The following CST1 variants were observed in gnomAD, a reference collection of about 807,000 sequenced individuals.
CST1 encodes the protein cystatin-SN.
CST1 carries 19 observed loss-of-function variants against 10.7 expected under a neutral mutation model. The ratio of observed to expected loss-of-function variants is 1.78; its 90% CI spans 1.24 to 2.61. CST1 has a LOEUF of 2.61. Ranked by LOEUF, CST1 falls within the 30% of genes most tolerant of loss-of-function variation. The probability of loss-of-function intolerance (pLI) is 0.00; values close to 1 mark genes in which losing one functional copy is unlikely to be tolerated. For synonymous variants in CST1, 95 were observed against 72.8 expected (o/e 1.31, Z -1.55); for missense variants, 247 against 178.1 (o/e 1.39, Z -2.20).
At chr20:23,748,184 C>T (rs923571771) in intron 2 of CST1, among the ~76,000 whole-genome samples, 1 of 152,098 alleles carries the variant, frequency 6.6e-6, no homozygotes, top group African/African-American at 2.4e-5. Flanking sequence ...CCTCGGGAGC[C>T]CCAAGGGTGC....
Position 23,747,863 on chromosome 20 carries a change from A to G in CST1, c.379T>C (p.Trp127Arg). The G allele has an allele frequency of 6.2e-7, 1 of 1,614,038 alleles. No individual in the cohort carries two copies. The highest frequency in any genetic ancestry group is 8.5e-7 in the Non-Finnish European group (1 of 1,179,918). ...TTCACCAGGGACCTTCTGTTCTCCC[A>G]GGGAACTTCGTAGATCTCGAAAGAG... ...LCSFEIYEVP[W>R]ENRRSLVKSR... Residue 127 changes from tryptophan to arginine, a missense_variant, in exon 3 of 3, where the codon TGG (tryptophan) becomes CGG (arginine). By Grantham distance (101) the Trp-to-Arg change is moderately radical. Coordinates refer to ENST00000304749, the MANE Select transcript of CST1 (RefSeq NM_001898.3).
rs771551065 is a variant in CST1, at chr20:23,749,137, C to A, written c.229-8G>T. 1 of 1,614,032 alleles carries A rather than the reference C, an allele frequency of 6.2e-7. No homozygotes were observed. The highest frequency in any genetic ancestry group is 8.5e-7 in the Non-Finnish European group (1 of 1,179,912). On this transcript the variant is annotated splice_region_variant and splice_polypyrimidine_tract_variant and intron_variant, in intron 1 of 2. Transcript: ENST00000304749. ...ATTCACCCCCCCAACGGTCTGCACA[C>A]AGGAGAAAACAGGACAGCGCCCCCA...
chr20:23,749,790 T>C (rs1162094592), intron 1 of CST1, among the ~76,000 whole-genome samples: 1 of 151,032 alleles, frequency 6.6e-6, no homozygotes, highest in Admixed American at 6.6e-5. Flanking sequence ...CAATGCCCTG[T>C]GCTTCACTCC....
intron 1 of CST1, among the ~76,000 whole-genome samples, chr20:23,750,016 C>A (rs1982785438): frequency 6.6e-6 from 1 of 151,660 alleles, no homozygotes; most frequent in Non-Finnish European, 1.5e-5. Context: ...CAAGCTGGGC[C>A]CAGTTGCCCT....
Position 23,750,701 on chromosome 20 carries a change from T to G in CST1, c.166A>C (p.Asn56His), listed in dbSNP as rs1982808822. 1 of 1,614,046 alleles carries G rather than the reference T, an allele frequency of 6.2e-7. No individual in the cohort carries two copies. Among genetic ancestry groups the G allele is most frequent in the African/African-American group, 1.3e-5 (1 of 74,922 alleles). ...TAGTAGTCATCTTTGGTGGCCTTGTTATACTCGCTGATGGCGAAGTGAAGG... is the reference window on the plus strand; with the variant it reads ...TAGTAGTCATCTTTGGTGGCCTTGTGATACTCGCTGATGGCGAAGTGAAGG... ...RALHFAISEY[N>H]KATKDDYYRR... Residue 56 changes from asparagine (N) to histidine (H), a missense_variant, in exon 1 of 3, where the codon AAC (asparagine) becomes CAC (histidine). Asn to His is a moderately conservative substitution (Grantham distance 68). Coordinates refer to ENST00000304749, the MANE Select transcript of CST1 (RefSeq NM_001898.3).
Position 23,747,686 on chromosome 20 carries a change from T to C in CST1, c.*130A>G, listed in dbSNP as rs1982698461. 2.5e-6 allele frequency: 2 copies of C among 793,952 alleles called. No homozygotes were observed. Among genetic ancestry groups the C allele is most frequent in the Non-Finnish European group, 4.1e-6 (2 of 484,634 alleles). The allele number at this position is 793,952 out of a possible 1,614,324, so 49.2% of individuals were successfully genotyped here. A position where few individuals can be genotyped will look rare whatever the true frequency, so the allele number is the denominator to read the frequency against. ...GAGCAACAAAGGACTCCTGCAGCCTTCTCTGTCTGTCTCTTGGCGCAGGCA... is the reference window on the plus strand; with the variant it reads ...GAGCAACAAAGGACTCCTGCAGCCTCCTCTGTCTGTCTCTTGGCGCAGGCA... On this transcript the variant is annotated 3_prime_UTR_variant, in exon 3 of 3. Coordinates refer to ENST00000304749, the MANE Select transcript of CST1 (RefSeq NM_001898.3).
At position 23,748,954 on chromosome 20, in the gene CST1, G is replaced by T; in HGVS notation, c.342+62C>A. The stretch of plus-strand genomic sequence containing the variant: ...CCCTCCAAACATGTGTAGGGCAGAG[G>T]CTGACACATACGCACCCCTCTGCAG... On this transcript the variant is annotated intron_variant, in intron 2 of 2. Coordinates refer to ENST00000304749, the MANE Select transcript of CST1 (RefSeq NM_001898.3). The T allele has an allele frequency of 5.0e-6, 8 of 1,588,358 alleles. No individual in the cohort carries two copies. The South Asian group carries it at 6.6e-5, about 13-fold the overall frequency.
chr20:23,748,776 G>A (rs1982743211), intron 2 of CST1, among the ~76,000 whole-genome samples: 1 of 151,468 alleles, frequency 6.6e-6, no homozygotes, highest in Admixed American at 6.6e-5. Context: ...AGGCACACAT[G>A]CTCCCATCCA....
In CST1 at chr20:23,749,073, G is replaced by C; in HGVS notation, c.285C>G (p.Thr95=). 1 of 1,614,140 alleles carries C rather than the reference G, an allele frequency of 6.2e-7. No individual in the cohort carries two copies. Among genetic ancestry groups the C allele is most frequent in the Middle Eastern group, 1.6e-4 (1 of 6,062 alleles). ...FDVEVGRTIC[T]KSQPNLDTCA... Reference sequence around the variant, plus strand: ...AGGTGTCCAAGTTGGGCTGGGACTTGGTACATATGGTGCGGCCCACCTCTA... The same window carrying C: ...AGGTGTCCAAGTTGGGCTGGGACTTCGTACATATGGTGCGGCCCACCTCTA... Residue 95 remains threonine, a synonymous_variant, in exon 2 of 3, where the codon ACC becomes ACG. Coordinates refer to ENST00000304749, the MANE Select transcript of CST1 (RefSeq NM_001898.3).
At chr20:23,750,174 G>A (rs1982790440) in intron 1 of CST1, among the ~76,000 whole-genome samples, 2 of 152,110 alleles carry the variant, frequency 1.3e-5, no homozygotes. Flanking sequence ...GGCTGTAGGG[G>A]TTTGTCAGCC....
Position 23,750,652 on chromosome 20 carries a change from C to T in CST1, c.215G>A (p.Arg72Lys), listed in dbSNP as rs776240975. ...GGGAGCACCTACCTGTTGCCTGGCT[C>T]TTAGTACCCGCAGCGGACGTCTGTA... ...DYYRRPLRVL[R>K]ARQQTVGGVN... Residue 72 changes from arginine to lysine, a missense_variant, in exon 1 of 3, where the codon AGA (arginine) becomes AAA (lysine). Arg to Lys is a conservative substitution (Grantham distance 26, BLOSUM62 2). Transcript: ENST00000304749. 5.6e-6 allele frequency: 9 copies of T among 1,613,726 alleles called. No homozygotes were observed. The highest frequency in any genetic ancestry group is 2.2e-5 in the East Asian group (1 of 44,880).
At chr20:23,750,220 G>A (rs1233077418) in intron 1 of CST1, among the ~76,000 whole-genome samples, 2 of 152,210 alleles carry the variant, frequency 1.3e-5, no homozygotes, top group Non-Finnish European at 2.9e-5. Context: ...ATAAGGGGCT[G>A]TGCCCAGGGG....
At chr20:23,748,410 C>T (rs980496776) in intron 2 of CST1, among the ~76,000 whole-genome samples, 7 of 152,064 alleles carry the variant, frequency 4.6e-5, no homozygotes, top group South Asian at 2.1e-4. Context: ...TTGGGTGAGC[C>T]GGGCAGGTCC....
intron 1 of CST1, 29 bp from the exon 2 acceptor site, chr20:23,749,158 C>A (rs543969659): frequency 8.7e-6 from 14 of 1,610,382 alleles, no homozygotes; most frequent in Admixed American, 6.7e-5. Context: ...AGGACAGCGC[C>A]CCCATCAGTT....
At chr20:23,749,411 T>C (rs1479299751) in intron 1 of CST1, among the ~76,000 whole-genome samples, 2 of 152,212 alleles carry the variant, frequency 1.3e-5, no homozygotes, top group Admixed American at 6.5e-5. Flanking sequence ...GTCTGTCTGA[T>C]GACAAAATTT....
intron 1 of CST1, among the ~76,000 whole-genome samples, chr20:23,749,936 A>G (rs967137742): frequency 2.7e-5 from 4 of 150,468 alleles, no homozygotes; most frequent in Admixed American, 6.7e-5. Context: ...ATTCCTTTGA[A>G]TTTCCAGGAG....
intron 2 of CST1, 144 bp from the exon 3 acceptor site, chr20:23,748,043 T>C (rs1213601416): frequency 3.8e-6 from 3 of 789,966 alleles, no homozygotes; most frequent in Admixed American, 2.2e-5. Context: ...CCCAGAGTGC[T>C]GAACTAGAAT....
chr20:23,749,760 C>T (rs1285743391), intron 1 of CST1, among the ~76,000 whole-genome samples: 1 of 151,554 alleles, frequency 6.6e-6, no homozygotes, highest in Non-Finnish European at 1.5e-5. Context: ...CTAAAATAGG[C>T]TTCTGGGCCT....
chr20:23,749,762 T>C (rs1450311734), intron 1 of CST1, among the ~76,000 whole-genome samples: 1 of 151,520 alleles, frequency 6.6e-6, no homozygotes, highest in Non-Finnish European at 1.5e-5. Context: ...AAAATAGGCT[T>C]CTGGGCCTGA....
Sources: gnomAD v4.1 joint callset for allele counts (sites outside exome capture counted in the v4.1 genomes callset) on GRCh38, gnomAD v4.1.1 for gene constraint, MANE v1.5 for transcripts, NCBI Gene and HGNC (gene_info 2026-07-23, HGNC 2026-07-21) for gene names.